Variants in ADRA1B observed in about 807,000 individuals in gnomAD.
ADRA1B encodes adrenoceptor alpha 1B.
A neutral mutation model predicts 17.9 loss-of-function variants in ADRA1B; 17 were observed. The observed-to-expected ratio is 0.95, with a 90% CI of 0.65 to 1.42. The LOEUF is 1.42. Among genes scored for constraint, ADRA1B ranks in the 40% most tolerant of loss-of-function variants. The pLI is 0.00. For missense variants in ADRA1B, 681 were observed against 722.1 expected (o/e 0.94, Z 0.65); for synonymous variants, 366 against 327.6 (o/e 1.12, Z -1.27).
chr5:159,968,207 A>C (rs1755808468), intron 1 of ADRA1B, among the ~76,000 whole-genome samples: 1 of 152,206 alleles, frequency 6.6e-6, no homozygotes, highest in Admixed American at 6.5e-5. Flanking sequence ...TGATCCAAAA[A>C]AATGGGACCA....
intron 1 of ADRA1B, among the ~76,000 whole-genome samples, chr5:159,893,855 A>G (rs1041689457): frequency 9.9e-5 from 15 of 152,224 alleles, no homozygotes; most frequent in Non-Finnish European, 1.8e-4. Context: ...CCACAGTTCA[A>G]ATAGCTTCAC....
the ADRA1B span, among the ~76,000 whole-genome samples, chr5:159,984,904 CA>C: frequency 0.23 from 31,646 of 136,532 alleles, 4,120 homozygotes; most frequent in African/African-American, 0.4. Context: ...AACTCTATCT[CA>C]AAAAAAAAAA....
the ADRA1B span, among the ~76,000 whole-genome samples, chr5:159,979,663 T>C: frequency 6.6e-5 from 10 of 151,066 alleles, no homozygotes; most frequent in African/African-American, 2.4e-4. Flanking sequence ...AGGTCAGGAG[T>C]TCGAGACCAG....
chr5:159,887,870 C>A (rs565216164), intron 1 of ADRA1B, among the ~76,000 whole-genome samples: 2 of 150,332 alleles, frequency 1.3e-5, no homozygotes, highest in African/African-American at 2.5e-5. Context: ...GAAGTGCTAA[C>A]AAGGGTTTGG....
intron 1 of ADRA1B, among the ~76,000 whole-genome samples, chr5:159,873,831 A>C (rs1753774824): frequency 6.6e-6 from 1 of 152,186 alleles, no homozygotes; most frequent in African/African-American, 2.4e-5. Flanking sequence ...AGATACCATG[A>C]AATGATGAGG....
chr5:159,919,572 AG>A (rs1388156913), intron 1 of ADRA1B, among the ~76,000 whole-genome samples: 1 of 152,248 alleles, frequency 6.6e-6, no homozygotes, highest in East Asian at 1.9e-4. Flanking sequence ...GCTCAATGAA[AG>A]TTAGCTATGA....
downstream of ADRA1B, among the ~76,000 whole-genome samples, chr5:159,977,130 AG>A (rs1443603724): frequency 6.6e-6 from 1 of 152,240 alleles, no homozygotes; most frequent in Non-Finnish European, 1.5e-5. Context: ...TAAAAGCTAA[AG>A]AAAAATGAAC....
In ADRA1B at chr5:159,972,040, G is replaced by T; in HGVS notation, c.1111G>T (p.Gly371Cys). ...RILGCQCRGR[G>C]RRRRRRRRRL... is the part of the protein sequence containing the mutation. ...CCTCGGGTGCCAGTGCCGCGGCCGC[G>T]GCCGCCGCCGACGCCGCCGCCGCCG... The change falls in exon 2 of 2, where the codon GGC (glycine) becomes TGC (cysteine). Residue 371 changes from glycine to cysteine, a missense_variant. By Grantham distance (159) the Gly-to-Cys change is radical. Around this residue, in one of 3 missense-constraint regions of ADRA1B, gnomAD observed 424 missense variants for 480.2 expected, o/e 0.88. Transcript: ENST00000306675. The T allele has an allele frequency of 7.3e-7, 1 of 1,378,408 alleles. No individual in the cohort carries two copies. Among genetic ancestry groups the T allele is most frequent in the Non-Finnish European group, 9.4e-7 (1 of 1,064,636 alleles). The allele number at this position is 1,378,408 out of a possible 1,614,324, so 85.4% of individuals were successfully genotyped here.
chr5:159,974,440 G>A (rs1178845006), downstream of ADRA1B, among the ~76,000 whole-genome samples: 5 of 152,202 alleles, frequency 3.3e-5, no homozygotes, highest in Admixed American at 2.6e-4. Flanking sequence ...TTCAAGACCA[G>A]CCTGGCCAAC....
At chr5:159,894,551 A>G (rs1331183114) in intron 1 of ADRA1B, among the ~76,000 whole-genome samples, 1 of 152,250 alleles carries the variant, frequency 6.6e-6, no homozygotes, top group East Asian at 1.9e-4. Context: ...CAAAAACTGT[A>G]AATTTGTATC....
At chr5:159,952,497 C>A (rs992686481) in intron 1 of ADRA1B, among the ~76,000 whole-genome samples, 1 of 152,152 alleles carries the variant, frequency 6.6e-6, no homozygotes, top group African/African-American at 2.4e-5. Flanking sequence ...CCTTGGCTTC[C>A]TAGTGGCCTG....
At chr5:159,889,051 C>A (rs1461184353) in intron 1 of ADRA1B, among the ~76,000 whole-genome samples, 1 of 152,130 alleles carries the variant, frequency 6.6e-6, no homozygotes, top group Admixed American at 6.5e-5. Flanking sequence ...CAGTCACACC[C>A]AAAGATCACA....
At chr5:159,889,751 G>T (rs538994330) in intron 1 of ADRA1B, among the ~76,000 whole-genome samples, 37 of 148,164 alleles carry the variant, frequency 2.5e-4, no homozygotes, top group Middle Eastern at 4.3e-3. Flanking sequence ...TTATCCTCTA[G>T]ACTTCCCAGT....
intron 1 of ADRA1B, among the ~76,000 whole-genome samples, chr5:159,947,358 A>G (rs1032026364): frequency 1.3e-5 from 2 of 152,078 alleles, no homozygotes; most frequent in African/African-American, 4.8e-5. Flanking sequence ...AAAAGAAAAG[A>G]AAAGAAAACC....
chr5:159,900,216 G>A (rs967085102), intron 1 of ADRA1B, among the ~76,000 whole-genome samples: 2 of 151,990 alleles, frequency 1.3e-5, no homozygotes, highest in Non-Finnish European at 1.5e-5. Context: ...TTATTCTTAA[G>A]CATTTATTCT....
intron 1 of ADRA1B, among the ~76,000 whole-genome samples, chr5:159,911,423 GC>G (rs773054043): frequency 1.2e-4 from 18 of 152,216 alleles, no homozygotes; most frequent in African/African-American, 3.9e-4. Context: ...TCACACCCCA[GC>G]CCCCGCCTCA....
chr5:159,955,225 G>A (rs1413256122), intron 1 of ADRA1B: 3 of 984,190 alleles, frequency 3.0e-6, no homozygotes, highest in Non-Finnish European at 3.6e-6. Context: ...GGCTGCGGGT[G>A]TCAAGGAAGG....
chr5:159,972,328 C>A lies in ADRA1B; in HGVS notation c.1399C>A (p.Arg467Ser). ...PAPEPPGRRG[R>S]HDSGPLFTFK... ...GCCTGAGCCCCCCGGCCGCCGCGGCCGCCACGACTCGGGCCCGCTCTTCAC... is the reference window on the plus strand; with the variant it reads ...GCCTGAGCCCCCCGGCCGCCGCGGCAGCCACGACTCGGGCCCGCTCTTCAC... The change falls in exon 2 of 2, where the codon CGC (arginine) becomes AGC (serine). Residue 467 changes from arginine (R) to serine (S), a missense_variant. Transcript: ENST00000306675. The A allele has an allele frequency of 6.9e-7, 1 of 1,442,344 alleles. No homozygotes were observed. The highest frequency in any genetic ancestry group is 9.1e-7 in the Non-Finnish European group (1 of 1,103,318). The allele number at this position is 1,442,344 out of a possible 1,614,324, so 89.3% of individuals were successfully genotyped here.
intron 1 of ADRA1B, among the ~76,000 whole-genome samples, chr5:159,949,123 AC>A (rs1479886874): frequency 6.6e-6 from 1 of 152,196 alleles, no homozygotes; most frequent in Non-Finnish European, 1.5e-5. Flanking sequence ...AATACATAAA[AC>A]TGTAAGGCTT....
Sources: allele counts gnomAD v4.1 joint callset (sites outside exome capture counted in the v4.1 genomes callset), GRCh38; gene constraint gnomAD v4.1.1; regional missense constraint gnomAD v4.1.1; transcripts MANE v1.5; gene names NCBI Gene and HGNC (gene_info 2026-07-23, HGNC 2026-07-21).